LINGO2: variants seen among roughly 807,000 people sequenced by gnomAD.
LINGO2 encodes leucine rich repeat and Ig domain containing 2, also known as leucine-rich repeat and immunoglobulin-like domain-containing nogo receptor-interacting protein 2.
LINGO2 carries 14 observed loss-of-function variants against 30.6 expected under a neutral mutation model. That is an observed-to-expected ratio of 0.46 (90% CI 0.30 to 0.72). The LOEUF (loss-of-function observed/expected upper bound fraction) is 0.72, where lower values mean the gene tolerates loss of function less well. Ranked by LOEUF, LINGO2 falls within the 30% of genes least tolerant of loss-of-function variation. LINGO2 has a pLI of 0.07. For missense variants in LINGO2, 729 were observed against 751.7 expected, an observed-to-expected ratio of 0.97 and a Z score of 0.35; for synonymous variants, 317 against 288.5, an observed-to-expected ratio of 1.10 and a Z score of -1.00.
chr9:28,469,919 CAG>C (rs1825455302), intron 2 of LINGO2, among the ~76,000 whole-genome samples: 1 of 151,954 alleles, frequency 6.6e-6, no homozygotes. Flanking sequence ...CAGGGACAAA[CAG>C]AAATAAGAGT....
chr9:28,579,358 C>A (rs1051770554), intron 1 of LINGO2, among the ~76,000 whole-genome samples: 2 of 152,008 alleles, frequency 1.3e-5, no homozygotes, highest in East Asian at 1.9e-4. Context: ...AAAGTACATC[C>A]ATTTTTTATT....
the LINGO2 span, among the ~76,000 whole-genome samples, chr9:28,875,249 C>G: frequency 2.3e-4 from 35 of 152,120 alleles, no homozygotes; most frequent in African/African-American, 7.5e-4. Context: ...GTATACAACA[C>G]TAATATTTTG....
chr9:28,791,593 T>A, the LINGO2 span, among the ~76,000 whole-genome samples: 1 of 152,056 alleles, frequency 6.6e-6, no homozygotes, highest in Non-Finnish European at 1.5e-5. Context: ...GAATATATCT[T>A]ATCCTAAGAT....
intron 3 of LINGO2, among the ~76,000 whole-genome samples, chr9:28,368,163 C>G (rs1287533961): frequency 1.3e-5 from 2 of 152,036 alleles, no homozygotes; most frequent in Non-Finnish European, 2.9e-5. Flanking sequence ...CTATTACACC[C>G]TGCATTGTCT....
In LINGO2 at chr9:28,065,454, G is replaced by C. The variant is rs567885591; in HGVS notation, c.-86-53049C>G. ...CATATAAAAGATCACATATTTAAGA[G>C]TTGCATAGTAAAAACGGGCAGTGAT... is the stretch of plus-strand genomic sequence containing the variant. On this transcript the variant is annotated intron_variant, in intron 4 of 5. Coordinates refer to ENST00000379992, the Ensembl canonical transcript of LINGO2. Among the ~76,000 whole-genome samples, 5 of 152,158 alleles carry C rather than the reference G, an allele frequency of 3.3e-5. No homozygotes were observed. In the East Asian group the frequency reaches 7.7e-4, roughly 24 times the overall value.
At chr9:28,007,053 CTGTT>C (rs921354478) in intron 5 of LINGO2, among the ~76,000 whole-genome samples, 26 of 152,152 alleles carry the variant, frequency 1.7e-4, no homozygotes, top group African/African-American at 6.3e-4. Flanking sequence ...TTTCACTAGT[CTGTT>C]AGTTTGCTTT....
the LINGO2 span, among the ~76,000 whole-genome samples, chr9:28,684,910 T>A: frequency 3.9e-5 from 6 of 152,088 alleles, no homozygotes; most frequent in Non-Finnish European, 7.4e-5. Flanking sequence ...GGGTTTGATG[T>A]ACAGATTATT....
the LINGO2 span, among the ~76,000 whole-genome samples, chr9:28,826,427 A>C: frequency 1.3e-5 from 2 of 152,140 alleles, no homozygotes; most frequent in Non-Finnish European, 2.9e-5. Context: ...AGTGGGCCAG[A>C]TTTTTCCTGT....
chr9:29,106,807 C>G, the LINGO2 span, among the ~76,000 whole-genome samples: 1,199 of 152,126 alleles, frequency 7.9e-3, 9 homozygotes, highest in Non-Finnish European at 0.013. Context: ...AATGAGGGAA[C>G]TGAATTTTAG....
intron 2 of LINGO2, among the ~76,000 whole-genome samples, chr9:28,412,112 T>C (rs763706929): frequency 6.6e-6 from 1 of 150,938 alleles, no homozygotes; most frequent in African/African-American, 2.4e-5. Context: ...CCTCTTCTGA[T>C]TCTCCAGTGT....
intron 1 of LINGO2, among the ~76,000 whole-genome samples, chr9:28,563,623 A>C (rs1375819354): frequency 6.6e-6 from 1 of 152,158 alleles, no homozygotes; most frequent in African/African-American, 2.4e-5. Context: ...ACATGTTGGC[A>C]GTTCATTATC....
At chr9:28,274,912 T>A (rs960338023) in intron 4 of LINGO2, among the ~76,000 whole-genome samples, 3 of 152,170 alleles carry the variant, frequency 2.0e-5, no homozygotes, top group African/African-American at 7.2e-5. Context: ...TAAAACTAAT[T>A]AAGTTAGGTG....
chr9:28,497,538 G>A (rs1047674831), intron 1 of LINGO2, among the ~76,000 whole-genome samples: 1 of 152,058 alleles, frequency 6.6e-6, no homozygotes, highest in African/African-American at 2.4e-5. Flanking sequence ...TTCTACACTG[G>A]TTATTCTAGT....
the LINGO2 span, among the ~76,000 whole-genome samples, chr9:28,954,991 T>C: frequency 2.7e-4 from 41 of 152,088 alleles, no homozygotes; most frequent in African/African-American, 9.2e-4. Context: ...TCAAAAACCC[T>C]GAATCAACTG....
At position 28,050,440 on chromosome 9, in the gene LINGO2, TAA is replaced by T. The variant is rs1824619406; in HGVS notation, c.-86-38037_-86-38036del. Among the ~76,000 whole-genome samples, 2 of 150,744 alleles carry T rather than the reference TAA, an allele frequency of 1.3e-5. 1 individual carries two copies. Among genetic ancestry groups the T allele is most frequent in the Admixed American group, 1.3e-4 (2 of 15,032 alleles). On this transcript the variant is annotated intron_variant, in intron 4 of 5. Transcript: ENST00000379992. Reference sequence around the variant, plus strand: ...GTAAGGGATATTCTGCAAGACAATCTAAAAACTCTTCAAAAGCTATTAATGTC... The same window carrying T: ...GTAAGGGATATTCTGCAAGACAATCTAAACTCTTCAAAAGCTATTAATGTC...
At chr9:28,731,862 G>A in the LINGO2 span, among the ~76,000 whole-genome samples, 3,861 of 152,120 alleles carry the variant, frequency 0.025, 159 homozygotes, top group African/African-American at 0.088. Context: ...AAGGGTACAT[G>A]ACATCTCTAT....
intron 4 of LINGO2, among the ~76,000 whole-genome samples, chr9:28,180,510 CT>C (rs1828882057): frequency 6.6e-6 from 1 of 152,170 alleles, no homozygotes; most frequent in South Asian, 2.1e-4. Context: ...AGTTTCTTTG[CT>C]TCCTCCCCCA....
intron 4 of LINGO2, among the ~76,000 whole-genome samples, chr9:28,208,105 A>G (rs950183302): frequency 6.6e-6 from 1 of 152,132 alleles, no homozygotes; most frequent in Non-Finnish European, 1.5e-5. Flanking sequence ...TTTTTGTAAA[A>G]ACTAATGTCA....
chr9:29,019,328 CAT>C, the LINGO2 span, among the ~76,000 whole-genome samples: 1 of 152,128 alleles, frequency 6.6e-6, no homozygotes, highest in African/African-American at 2.4e-5. Context: ...TGCAGCCACA[CAT>C]ATGTTATATG....
Sources: gnomAD v4.1 joint callset for allele counts (sites outside exome capture counted in the v4.1 genomes callset) on GRCh38, gnomAD v4.1.1 for gene constraint, MANE v1.5 for transcripts, NCBI Gene and HGNC (gene_info 2026-07-23, HGNC 2026-07-21) for gene names.